The following RAPGEF4 variants were observed in gnomAD, a reference collection of about 807,000 sequenced individuals.
The protein encoded by RAPGEF4 is RAP guanine-nucleotide-exchange factor (GEF) 4.
Under a neutral mutation model 147.9 loss-of-function variants are expected in RAPGEF4, and 66 were observed. The ratio of observed to expected loss-of-function variants is 0.45; its 90% confidence interval spans 0.37 to 0.55. The LOEUF is 0.55. Ranked by LOEUF, RAPGEF4 falls within the 20% of genes least tolerant of loss-of-function variation. The probability of loss-of-function intolerance (pLI) is 0.00; values close to 1 mark genes in which losing one functional copy is unlikely to be tolerated. For synonymous variants in RAPGEF4, 419 were observed against 442.7 expected, an observed-to-expected ratio of 0.95 and a Z score of 0.67; for missense variants, 1,071 against 1,257.3, an observed-to-expected ratio of 0.85 and a Z score of 2.24.
intron 4 of RAPGEF4, among the ~76,000 whole-genome samples, chr2:172,858,316 C>G (rs777377862): frequency 1.1e-4 from 16 of 152,136 alleles, no homozygotes; most frequent in Non-Finnish European, 1.8e-4. Flanking sequence ...CTGGCTTGCT[C>G]TTTTTGATTT....
intron 6 of RAPGEF4, among the ~76,000 whole-genome samples, chr2:172,932,707 G>T (rs1203194189): frequency 6.6e-6 from 1 of 152,082 alleles, no homozygotes. Flanking sequence ...CATGTTAACT[G>T]TCCAAATATG....
At chr2:172,965,514 T>C in intron 8 of RAPGEF4, 48 bp from the exon 9 acceptor site, 1 of 1,588,360 alleles carries the variant, frequency 6.3e-7, no homozygotes, top group Non-Finnish European at 8.6e-7. Flanking sequence ...CCATCCTCTA[T>C]CTGAAAAGGG....
At position 172,785,227 on chromosome 2, in the gene RAPGEF4, A is replaced by T. The variant is rs983791797; in HGVS notation, c.66-9798A>T. Among the ~76,000 whole-genome samples, 7 of 152,264 alleles carry T rather than the reference A, an allele frequency of 4.6e-5. No individual in the cohort carries two copies. The East Asian group carries it at 1.3e-3, about 29-fold the overall frequency. On this transcript the variant is annotated intron_variant, in intron 1 of 30. Coordinates refer to ENST00000397081, the MANE Select transcript of RAPGEF4 (RefSeq NM_007023.4). The stretch of plus-strand genomic sequence containing the variant: ...GAAAAGCTAATAGTGTTATAAAAAG[A>T]TTGAGATTGTAGAGTACATAGTATT...
At chr2:172,817,831 C>A (rs1366074770) in intron 4 of RAPGEF4, among the ~76,000 whole-genome samples, 1 of 149,320 alleles carries the variant, frequency 6.7e-6, no homozygotes, top group Non-Finnish European at 1.5e-5. Context: ...AAATATGGAA[C>A]CAACTCAAAT....
intron 10 of RAPGEF4, among the ~76,000 whole-genome samples, chr2:172,973,885 T>C (rs1348423046): frequency 6.6e-6 from 1 of 152,152 alleles, no homozygotes. Context: ...GAAGTGAAAA[T>C]ACTACTGAGC....
At chr2:172,748,993 G>C (rs1409356070) in intron 1 of RAPGEF4, among the ~76,000 whole-genome samples, 1 of 152,232 alleles carries the variant, frequency 6.6e-6, no homozygotes, top group Non-Finnish European at 1.5e-5. Flanking sequence ...CTCACATCCA[G>C]GTCACGCTGA....
At chr2:172,879,511 C>T (rs892399272) in intron 4 of RAPGEF4, among the ~76,000 whole-genome samples, 9 of 152,180 alleles carry the variant, frequency 5.9e-5, no homozygotes, top group African/African-American at 1.9e-4. Context: ...GTACTTCTGA[C>T]CTTTGATATT....
intron 26 of RAPGEF4, among the ~76,000 whole-genome samples, 183 bp from the exon 27 acceptor site, chr2:173,033,731 G>C (rs1683532047): frequency 6.6e-6 from 1 of 152,192 alleles, no homozygotes; most frequent in South Asian, 2.1e-4. Context: ...ACGTTTAAAA[G>C]GCAAGTTCTC....
At chr2:172,799,550 A>C (rs1191057690) in intron 3 of RAPGEF4, among the ~76,000 whole-genome samples, 1 of 152,100 alleles carries the variant, frequency 6.6e-6, no homozygotes, top group Non-Finnish European at 1.5e-5. Flanking sequence ...TTTTGCTCAG[A>C]GCTGCTCCTG....
Position 173,042,186 on chromosome 2 carries a change from C to T in RAPGEF4, c.2853+5494C>T, listed in dbSNP as rs1445675331. 6.6e-6 allele frequency among the ~76,000 whole-genome samples: 1 copy of T among 152,210 alleles called. No homozygotes were observed. Reference sequence around the variant, plus strand: ...CATAAAAATATCTGACGCATTATTTCCCCAGCACCCATAAAAATGTCTGGC... The same window carrying T: ...CATAAAAATATCTGACGCATTATTTTCCCAGCACCCATAAAAATGTCTGGC... On this transcript the variant is annotated intron_variant, in intron 29 of 30. Coordinates refer to ENST00000397081, the MANE Select transcript of RAPGEF4 (RefSeq NM_007023.4). The surrounding 1 kb of genome is among the most constrained non-coding windows in gnomAD (Gnocchi z 4.2).
At chr2:172,787,599 CTTTATTTATTTA>C (rs60645567) in intron 1 of RAPGEF4, among the ~76,000 whole-genome samples, 27 of 145,466 alleles carry the variant, frequency 1.9e-4, no homozygotes, top group Admixed American at 6.9e-4. Context: ...AAACAAAGTG[CTTTATTTATTTA>C]TTTATTTATT....
intron 4 of RAPGEF4, chr2:172,822,024 A>G (rs754648858): frequency 1.3e-5 from 21 of 1,597,556 alleles, no homozygotes; most frequent in African/African-American, 2.7e-5. Context: ...GAGAGTGGGG[A>G]AATACTACAT....
rs144045313 is a variant in RAPGEF4 at position 172,748,429 on chromosome 2, G to A, written c.65+12381G>A. Among the ~76,000 whole-genome samples, 352 of 152,272 alleles carry A rather than the reference G, an allele frequency of 2.3e-3. 2 individuals carry two copies. The highest frequency in any genetic ancestry group is 7.9e-3 in the African/African-American group (330 of 41,540). On this transcript the variant is annotated intron_variant, in intron 1 of 30. Transcript: ENST00000397081. The stretch of plus-strand genomic sequence containing the variant: ...GTGAAAGGCATGTCTTACATTAGTG[G>A]CAGGCAAGGGAGAGAAAGAACCAAG...
intron 1 of RAPGEF4, among the ~76,000 whole-genome samples, chr2:172,769,404 A>G (rs1424686610): frequency 6.6e-6 from 1 of 152,168 alleles, no homozygotes; most frequent in Non-Finnish European, 1.5e-5. Flanking sequence ...TGAAGAACAG[A>G]CAGTAGCCTG....
chr2:172,946,480 A>G (rs1222233475), intron 6 of RAPGEF4, among the ~76,000 whole-genome samples: 1 of 152,158 alleles, frequency 6.6e-6, no homozygotes, highest in Non-Finnish European at 1.5e-5. Flanking sequence ...TTATCATCAC[A>G]TATACTGTCT....
chr2:172,736,381 A>G (rs1045819738), intron 1 of RAPGEF4, among the ~76,000 whole-genome samples: 2 of 152,204 alleles, frequency 1.3e-5, no homozygotes, highest in Non-Finnish European at 2.9e-5. Flanking sequence ...ATCACGGGAC[A>G]GAAGAATCGA....
At chr2:172,813,437 A>G (rs1164977172) in intron 3 of RAPGEF4, among the ~76,000 whole-genome samples, 1 of 152,190 alleles carries the variant, frequency 6.6e-6, no homozygotes, top group Non-Finnish European at 1.5e-5. Flanking sequence ...GATTCATGAC[A>G]TTTTATAAGC....
chr2:172,813,684 T>TA (rs199680353), intron 3 of RAPGEF4, among the ~76,000 whole-genome samples: 2,288 of 143,930 alleles, frequency 0.016, 17 homozygotes, highest in African/African-American at 0.037. Flanking sequence ...CTCTCTAACT[T>TA]AAAAAAAAAA....
intron 4 of RAPGEF4, among the ~76,000 whole-genome samples, chr2:172,913,575 C>T (rs1683692051): frequency 6.6e-6 from 1 of 152,194 alleles, no homozygotes; most frequent in African/African-American, 2.4e-5. Context: ...TGGAATGACT[C>T]CAAGGCTGGA....
Sources: gnomAD v4.1 joint callset for allele counts (sites outside exome capture counted in the v4.1 genomes callset) on GRCh38, gnomAD v4.1.1 for gene constraint, Gnocchi (gnomAD v3.1) non-coding constraint, MANE v1.5 for transcripts, NCBI Gene and HGNC (gene_info 2026-07-23, HGNC 2026-07-21) for gene names.